Variants in ITGB5 observed in about 807,000 individuals in gnomAD.
The protein encoded by ITGB5 is integrin subunit beta 5.
A neutral mutation model predicts 84.8 loss-of-function variants in ITGB5; 38 were observed. The ratio of observed to expected loss-of-function variants is 0.45; its 90% CI spans 0.35 to 0.59. The LOEUF (loss-of-function observed/expected upper bound fraction) is 0.59. Ranked by LOEUF, ITGB5 falls within the 20% of genes least tolerant of loss-of-function variation. ITGB5 has a pLI of 0.01. For synonymous variants in ITGB5, 393 were observed against 414.4 expected (o/e 0.95, Z 0.63); for missense variants, 905 against 1,034.5 (o/e 0.87, Z 1.72).
chr3:124,796,405 T>C lies in ITGB5; in HGVS notation c.1676A>G (p.Lys559Arg). Reference sequence around the variant, plus strand: ...ACACTTACCTGAGCAGAGGACTCCCTTGTTCCTGGCACAGGAGAAGTTGTC... The same window carrying C: ...ACACTTACCTGAGCAGAGGACTCCCCTGTTCCTGGCACAGGAGAAGTTGTC... ...ECDNFSCARN[K>R]GVLCSGHGEC... Residue 559 changes from lysine (K) to arginine (R), a missense_variant, in exon 10 of 15, where the codon AAG (lysine) becomes AGG (arginine). Around this residue, in one of 3 missense-constraint regions of ITGB5, gnomAD observed 656 missense variants for 734.7 expected, o/e 0.89. Transcript: ENST00000296181. 1 of 1,612,084 alleles carries C rather than the reference T, an allele frequency of 6.2e-7. No homozygotes were observed. Among genetic ancestry groups the C allele is most frequent in the Non-Finnish European group, 8.5e-7 (1 of 1,178,780 alleles).
chr3:124,816,872 G>A (rs952574821), intron 8 of ITGB5, among the ~76,000 whole-genome samples: 4 of 152,062 alleles, frequency 2.6e-5, no homozygotes, highest in East Asian at 1.9e-4. Flanking sequence ...CCCCATTCAC[G>A]AACCCTCTGA....
At chr3:124,822,361 A>G (rs1203491924) in intron 5 of ITGB5, among the ~76,000 whole-genome samples, 1 of 152,230 alleles carries the variant, frequency 6.6e-6, no homozygotes, top group Non-Finnish European at 1.5e-5. Flanking sequence ...GAAGGATTTA[A>G]ACACTGCTGA....
intron 1 of ITGB5, among the ~76,000 whole-genome samples, chr3:124,880,271 A>G (rs1424867642): frequency 1.3e-5 from 2 of 152,248 alleles, no homozygotes; most frequent in Non-Finnish European, 2.9e-5. Flanking sequence ...TAAACACTAA[A>G]GAAATCTAAA....
At chr3:124,818,408 T>G (rs2064640699) in intron 7 of ITGB5, among the ~76,000 whole-genome samples, 1 of 151,906 alleles carries the variant, frequency 6.6e-6, no homozygotes, top group African/African-American at 2.4e-5. Flanking sequence ...TAAGCCAGTA[T>G]GGACTTCTTC....
intron 9 of ITGB5, 137 bp downstream of exon 9, chr3:124,808,885 G>T: frequency 1.1e-6 from 1 of 932,186 alleles, no homozygotes; most frequent in Non-Finnish European, 1.6e-6. Flanking sequence ...AGGCTTAGGA[G>T]ACTCCTCTGG....
intron 1 of ITGB5, among the ~76,000 whole-genome samples, chr3:124,894,128 A>ATTTTTTTTT (rs1464038480): frequency 2.9e-4 from 18 of 61,932 alleles, no homozygotes; most frequent in East Asian, 7.2e-4. Flanking sequence ...AAGTTGTGAT[A>ATTTTTTTTT]TTTTTCTTTT....
At chr3:124,894,809 G>A (rs1442920247) in intron 1 of ITGB5, among the ~76,000 whole-genome samples, 1 of 152,136 alleles carries the variant, frequency 6.6e-6, no homozygotes. Context: ...CACAGAACAG[G>A]TATGGTCTAC....
chr3:124,854,882 G>A (rs2065202250), intron 3 of ITGB5, among the ~76,000 whole-genome samples: 2 of 152,280 alleles, frequency 1.3e-5, no homozygotes, highest in Admixed American at 6.5e-5. Context: ...TTCATGAAGT[G>A]TCTTTCATAT....
intron 1 of ITGB5, among the ~76,000 whole-genome samples, chr3:124,898,326 A>G (rs1170644406): frequency 6.6e-6 from 1 of 151,958 alleles, no homozygotes; most frequent in East Asian, 1.9e-4. Flanking sequence ...TTTAGAGGAT[A>G]TCGTGTAAGT....
Position 124,852,428 on chromosome 3 carries a change from C to G in ITGB5, c.362-3870G>C, listed in dbSNP as rs150314966. 3.1e-3 allele frequency among the ~76,000 whole-genome samples: 469 copies of G among 151,994 alleles called. 3 individuals are homozygous for G. Among genetic ancestry groups the G allele is most frequent in the African/African-American group, 0.011 (451 of 41,470 alleles). Reference sequence around the variant, plus strand: ...TGTGAAATGCTACCCCAGGCAGCCCCCCTCATGTCCTTCTGCTTGTTCCTG... The same window carrying G: ...TGTGAAATGCTACCCCAGGCAGCCCGCCTCATGTCCTTCTGCTTGTTCCTG... On this transcript the variant is annotated intron_variant, in intron 3 of 14. Coordinates refer to ENST00000296181, the MANE Select transcript of ITGB5 (RefSeq NM_002213.5).
chr3:124,773,950 C>T, intron 10 of ITGB5, 38 bp from the exon 11 acceptor site: 1 of 1,567,362 alleles, frequency 6.4e-7, no homozygotes, highest in Non-Finnish European at 8.8e-7. Flanking sequence ...ACCTGCTCAC[C>T]TTTACACATG....
chr3:124,763,872 C>T (rs1160280167), intron 14 of ITGB5, among the ~76,000 whole-genome samples, 154 bp from the exon 15 acceptor site: 1 of 152,208 alleles, frequency 6.6e-6, no homozygotes, highest in Non-Finnish European at 1.5e-5. Context: ...TCTAGGACAG[C>T]TCTGTGTTCC....
In ITGB5 at chr3:124,762,459, G is replaced by T. The variant is rs1470183734; in HGVS notation, c.*1164C>A. 2.6e-5 allele frequency: 4 copies of T among 152,284 alleles called. No homozygotes were observed. In the East Asian group the frequency reaches 7.7e-4, roughly 29 times the overall value. The allele number at this position is 152,284 out of a possible 1,614,324, so 9.4% of individuals were successfully genotyped here. A position where few individuals can be genotyped will look rare whatever the true frequency, so the allele number is the denominator to read the frequency against. ...CCTCTTCTGTACATAAGGGGAGAGG[G>T]TCAGTCAACCATCTTAGATATGGGA... On this transcript the variant is annotated 3_prime_UTR_variant, in exon 15 of 15. Transcript: ENST00000296181.
At chr3:124,841,864 A>C (rs780419362) in intron 4 of ITGB5, among the ~76,000 whole-genome samples, 31 of 152,234 alleles carry the variant, frequency 2.0e-4, no homozygotes, top group Non-Finnish European at 3.4e-4. Context: ...ATAGGCATTG[A>C]AAGGTATGTG....
chr3:124,799,779 G>A (rs541282384), intron 9 of ITGB5, among the ~76,000 whole-genome samples: 4 of 152,232 alleles, frequency 2.6e-5, no homozygotes, highest in Admixed American at 2.0e-4. Context: ...AGCAGGGCCC[G>A]CGCTCTCCTT....
chr3:124,801,955 TG>T (rs2064322639), intron 9 of ITGB5, among the ~76,000 whole-genome samples: 1 of 152,176 alleles, frequency 6.6e-6, no homozygotes, highest in Admixed American at 6.5e-5. Flanking sequence ...AATATGCACA[TG>T]GGAGGCCCAC....
chr3:124,865,827 G>C (rs937887670), intron 2 of ITGB5, among the ~76,000 whole-genome samples: 2 of 151,858 alleles, frequency 1.3e-5, no homozygotes, highest in Non-Finnish European at 2.9e-5. Context: ...TAATATAAAA[G>C]AGAAAAGAGA....
chr3:124,769,045 C>T lies in ITGB5; in HGVS notation c.1985G>A (p.Arg662Lys), dbSNP rs1219818591. 1.9e-6 allele frequency: 3 copies of T among 1,613,954 alleles called. No individual in the cohort carries two copies. The highest frequency in any genetic ancestry group is 1.7e-5 in the Admixed American group (1 of 60,030). ...PDNQTCHSLC[R>K]DEVITWVDTI... Reference sequence around the variant, plus strand: ...GTCCACCCATGTGATCACCTCATCCCTGCATAGGCTGTGGCAGGTCTGGTT... The same window carrying T: ...GTCCACCCATGTGATCACCTCATCCTTGCATAGGCTGTGGCAGGTCTGGTT... Residue 662 changes from arginine to lysine, a missense_variant, in exon 12 of 15, where the codon AGG becomes AAG. By Grantham distance (26) the Arg-to-Lys change is conservative (BLOSUM62 2). Coordinates refer to ENST00000296181, the MANE Select transcript of ITGB5 (RefSeq NM_002213.5).
chr3:124,858,723 CT>C (rs1413605189), intron 3 of ITGB5, among the ~76,000 whole-genome samples: 3 of 152,178 alleles, frequency 2.0e-5, no homozygotes, highest in Non-Finnish European at 1.5e-5. Context: ...TAGGCAGCCA[CT>C]ACACCCTGAA....
Sources: gnomAD v4.1 joint callset for allele counts (sites outside exome capture counted in the v4.1 genomes callset) on GRCh38, gnomAD v4.1.1 for gene constraint, gnomAD v4.1.1 regional missense constraint, MANE v1.5 for transcripts, NCBI Gene and HGNC (gene_info 2026-07-23, HGNC 2026-07-21) for gene names.